The following CA6 variants were observed in gnomAD, a reference collection of about 807,000 sequenced individuals.
CA6 encodes carbonate dehydratase VI.
Under a neutral mutation model 35.9 loss-of-function variants are expected in CA6, and 28 were observed. The observed-to-expected ratio is 0.78, with a 90% CI of 0.58 to 1.07. The LOEUF is 1.07. Among genes scored for constraint, CA6 ranks in the 50% least tolerant of loss-of-function variants. The probability of loss-of-function intolerance (pLI) is 0.00; values close to 1 mark genes in which losing one functional copy is unlikely to be tolerated. For missense variants in CA6, 377 were observed against 382.0 expected, an observed-to-expected ratio of 0.99 and a Z score of 0.11; for synonymous variants, 148 against 152.6, an observed-to-expected ratio of 0.97 and a Z score of 0.22.
chr1:8,955,068 GCCGGCA>G (rs1415600758), intron 2 of CA6, among the ~76,000 whole-genome samples: 24 of 77,452 alleles, frequency 3.1e-4, no homozygotes, highest in Non-Finnish European at 5.5e-4. Context: ...TTGCCCAGGT[GCCGGCA>G]CTGATCCATT....
At chr1:8,961,060 A>G (rs1251573484) in intron 4 of CA6, among the ~76,000 whole-genome samples, 1 of 152,242 alleles carries the variant, frequency 6.6e-6, no homozygotes. Context: ...AGTCATCAGA[A>G]CACAGTGGAA....
At chr1:8,972,295 C>G (rs559658875) in intron 7 of CA6, among the ~76,000 whole-genome samples, 1 of 152,142 alleles carries the variant, frequency 6.6e-6, no homozygotes, top group Non-Finnish European at 1.5e-5. Flanking sequence ...AAGCAATCCT[C>G]CCCCCTCAGC....
intron 5 of CA6, among the ~76,000 whole-genome samples, chr1:8,966,299 G>A (rs566071412): frequency 8.6e-5 from 13 of 151,916 alleles, no homozygotes; most frequent in African/African-American, 1.2e-4. Context: ...TAGTAGAGAC[G>A]GGGTTTCATC....
chr1:8,967,281 G>A lies in CA6; in HGVS notation c.572-378G>A, dbSNP rs12071900. 5.1e-3 allele frequency among the ~76,000 whole-genome samples: 774 copies of A among 152,286 alleles called. 3 individuals are homozygous for A. Among genetic ancestry groups the A allele is most frequent in the African/African-American group, 0.018 (739 of 41,566 alleles). On this transcript the variant is annotated intron_variant, in intron 5 of 7. Transcript: ENST00000377443. ...TGTCCTCTGCCTAGCCATGATAATG[G>A]TGACCGCAGCAGTTACACTTAGGAG...
In CA6 at chr1:8,962,583, G is replaced by T; in HGVS notation, c.502-4G>T. The T allele has an allele frequency of 6.2e-7, 1 of 1,612,388 alleles. No homozygotes were observed. The highest frequency in any genetic ancestry group is 8.5e-7 in the Non-Finnish European group (1 of 1,178,408). On this transcript the variant is annotated splice_polypyrimidine_tract_variant and splice_region_variant and intron_variant, in intron 4 of 7. Transcript: ENST00000377443. Reference sequence around the variant, plus strand: ...TACGCTCAGTGCTCTGTGTTTCTCTGCAGGTGAAGAATTACCCTGAAAACA... The same window carrying T: ...TACGCTCAGTGCTCTGTGTTTCTCTTCAGGTGAAGAATTACCCTGAAAACA...
chr1:8,963,354 C>T lies in CA6; in HGVS notation c.571+698C>T, dbSNP rs1639893445. ...TCCCAGCTTAGATTCCACCCCGATACTCTCAAGTCTCCCTCAACACTCCCA... is the reference window on the plus strand; with the variant it reads ...TCCCAGCTTAGATTCCACCCCGATATTCTCAAGTCTCCCTCAACACTCCCA... On this transcript the variant is annotated intron_variant, in intron 5 of 7. Transcript: ENST00000377443. The surrounding 1 kb of genome is among the most constrained non-coding windows in gnomAD (Gnocchi z 4.1). Among the ~76,000 whole-genome samples, 1 of 152,132 alleles carries T rather than the reference C, an allele frequency of 6.6e-6. No homozygotes were observed. Among genetic ancestry groups the T allele is most frequent in the South Asian group, 2.1e-4 (1 of 4,822 alleles).
At chr1:8,960,783 C>T (rs1233340120) in intron 4 of CA6, among the ~76,000 whole-genome samples, 95 of 101,468 alleles carry the variant, frequency 9.4e-4, no homozygotes, top group African/African-American at 2.2e-3. Context: ...CACACACACA[C>T]ACACACATAT....
At position 8,974,623 on chromosome 1, in the gene CA6, A is replaced by T; in HGVS notation, c.846A>T (p.Glu282Asp). The change falls in exon 8 of 8, where the codon GAA becomes GAT. Residue 282 changes from glutamate to aspartate, a missense_variant and splice_region_variant. Transcript: ENST00000377443. ...TCCGACTAACTCTTCTTTTTACAGA[A>T]TACACTCTAGGCTCTGAATTCCAGT... ...RVVESNFPNQ[E>D]YTLGSEFQFY... 1 of 1,599,916 alleles carries T rather than the reference A, an allele frequency of 6.3e-7. No individual in the cohort carries two copies. Among genetic ancestry groups the T allele is most frequent in the Non-Finnish European group, 8.6e-7 (1 of 1,169,132 alleles).
rs59987426 is a variant in CA6, at chr1:8,960,789, C to CACACACATATAT, written c.501+1788_501+1789insCACACATATATA. 1.6e-3 allele frequency among the ~76,000 whole-genome samples: 188 copies of CACACACATATAT among 116,916 alleles called. 1 individual carries two copies. The highest frequency in any genetic ancestry group is 5.5e-3 in the African/African-American group (166 of 29,986). 76.7% of individuals were successfully genotyped at this position (116,916 alleles called of 152,430 possible). A position where few individuals can be genotyped will look rare whatever the true frequency, so the allele number is the denominator to read the frequency against. ...ACACACACACACACACACACACACA[C>CACACACATATAT]ATATATATAATGGGAGTCCCAGAAG... On this transcript the variant is annotated intron_variant, in intron 4 of 7. Transcript: ENST00000377443.
Position 8,974,985 on chromosome 1 carries a change from T to G in CA6, c.*281T>G. 1 of 288,096 alleles carries G rather than the reference T, an allele frequency of 3.5e-6. No individual in the cohort carries two copies. The highest frequency in any genetic ancestry group is 6.3e-6 in the Non-Finnish European group (1 of 157,568). 17.8% of individuals were successfully genotyped at this position (288,096 alleles called of 1,614,324 possible). A position where few individuals can be genotyped will look rare whatever the true frequency, so the allele number is the denominator to read the frequency against. The stretch of plus-strand genomic sequence containing the variant: ...CTTAAAGGAAATGGAACCCTAACTA[T>G]TCTCCCATCAAATCATATATGTTGA... On this transcript the variant is annotated 3_prime_UTR_variant, in exon 8 of 8. Coordinates refer to ENST00000377443, the MANE Select transcript of CA6 (RefSeq NM_001215.4).
rs577142995 is a variant in CA6, at chr1:8,959,880, C to T, written c.501+878C>T. On this transcript the variant is annotated intron_variant, in intron 4 of 7. Transcript: ENST00000377443. ...CCGGGAGGTGGAGGTTGCAGTGAGC[C>T]GAGATCGTGCTACTGCACTCCAGCG... Among the ~76,000 whole-genome samples the T allele has an allele frequency of 1.1e-3, 158 of 140,250 alleles. 1 individual carries two copies. Among genetic ancestry groups the T allele is most frequent in the Middle Eastern group, 8.3e-3 (2 of 242 alleles). 92.0% of individuals were successfully genotyped at this position (140,250 alleles called of 152,430 possible).
In CA6 at chr1:8,946,111, C is replaced by T. The variant is rs1253701787; in HGVS notation, c.79+146C>T. 7 of 596,602 alleles carry T rather than the reference C, an allele frequency of 1.2e-5. No homozygotes were observed. In the East Asian group the frequency reaches 1.4e-4, roughly 12 times the overall value. 37.0% of individuals were successfully genotyped at this position (596,602 alleles called of 1,614,324 possible). ...TGAGTACAGTAGTGTGATGTTGGCT[C>T]ACTGCAACCTCCGCCTCCCGGGTTC... On this transcript the variant is annotated intron_variant, in intron 1 of 7. Transcript: ENST00000377443.
intron 6 of CA6, among the ~76,000 whole-genome samples, chr1:8,969,845 G>A (rs1209825109): frequency 1.3e-5 from 2 of 151,944 alleles, no homozygotes; most frequent in South Asian, 2.1e-4. Context: ...TCAAAGTGCC[G>A]AGGGAAAAAA....
intron 1 of CA6, among the ~76,000 whole-genome samples, chr1:8,946,873 G>A (rs1018106497): frequency 4.1e-5 from 6 of 147,850 alleles, no homozygotes; most frequent in African/African-American, 1.3e-4. Flanking sequence ...GTGCCATCTC[G>A]GCTTACTGCA....
At chr1:8,971,022 T>G (rs367775539) in intron 7 of CA6, 41 bp downstream of exon 7, 3 of 1,326,482 alleles carry the variant, frequency 2.3e-6, no homozygotes, top group Non-Finnish European at 3.3e-6. Flanking sequence ...GCAGTTTAAC[T>G]CCTGTTTTGC....
intron 7 of CA6, among the ~76,000 whole-genome samples, chr1:8,972,554 C>G (rs1282713794): frequency 6.6e-6 from 1 of 152,054 alleles, no homozygotes; most frequent in Non-Finnish European, 1.5e-5. Flanking sequence ...CGCCTGTAGT[C>G]CCAGCTACTG....
rs1403579211 is a variant in CA6, at chr1:8,963,274, A to C, written c.571+618A>C. On this transcript the variant is annotated intron_variant, in intron 5 of 7. Coordinates refer to ENST00000377443, the MANE Select transcript of CA6 (RefSeq NM_001215.4). The surrounding 1 kb of genome is among the most constrained non-coding windows in gnomAD (Gnocchi z 4.1). ...CAATTCACCTGACCGGAGTCCTCCA[A>C]ACCTGGGGCTTCCACATTCTTGCTC... Among the ~76,000 whole-genome samples the C allele has an allele frequency of 1.3e-5, 2 of 151,982 alleles. No homozygotes were observed. Among genetic ancestry groups the C allele is most frequent in the African/African-American group, 4.8e-5 (2 of 41,364 alleles).
intron 2 of CA6, chr1:8,951,296 CTCTG>C (rs1392831885): frequency 1.7e-6 from 1 of 588,740 alleles, no homozygotes; most frequent in East Asian, 2.8e-5. Context: ...GAGAATGAAG[CTCTG>C]TCTGTAAAAG....
Position 8,967,414 on chromosome 1 carries a change from C to T in CA6, c.572-245C>T, listed in dbSNP as rs140875433. Among the ~76,000 whole-genome samples, 1,140 of 152,198 alleles carry T rather than the reference C, an allele frequency of 7.5e-3. 15 individuals carry two copies. The highest frequency in any genetic ancestry group is 0.026 in the African/African-American group (1,086 of 41,520). On this transcript the variant is annotated intron_variant, in intron 5 of 7. Transcript: ENST00000377443. ...CCCTTTCTACAGATGAGAAAATGGC[C>T]GCAGGGTGAGCACCCGGCCAAGAGC... is the stretch of plus-strand genomic sequence containing the variant.
Sources: allele counts gnomAD v4.1 joint callset (sites outside exome capture counted in the v4.1 genomes callset), GRCh38; gene constraint gnomAD v4.1.1; non-coding constraint Gnocchi (gnomAD v3.1); transcripts MANE v1.5; gene names NCBI Gene and HGNC (gene_info 2026-07-23, HGNC 2026-07-21).